The following DRD3 variants were observed in gnomAD, a reference collection of about 807,000 sequenced individuals.
DRD3 encodes the protein D(3) dopamine receptor.
In DRD3, 19 loss-of-function variants were observed where a neutral mutation model predicts 36.3. The observed-to-expected ratio is 0.52, with a 90% CI of 0.36 to 0.77. DRD3 has a LOEUF of 0.77. Ranked by LOEUF, DRD3 falls within the 30% of genes least tolerant of loss-of-function variation. The probability of loss-of-function intolerance (pLI) is 0.00; values close to 1 mark genes in which losing one functional copy is unlikely to be tolerated. For missense variants in DRD3, 465 were observed against 505.3 expected, an observed-to-expected ratio of 0.92 and a Z score of 0.77; for synonymous variants, 195 against 203.7, an observed-to-expected ratio of 0.96 and a Z score of 0.36.
chr3:114,185,311 T>C lies in DRD3; in HGVS notation c.-155-6535A>G, dbSNP rs992948501. On this transcript the variant is annotated intron_variant, in intron 1 of 7. Transcript: ENST00000460779. Reference sequence around the variant, plus strand: ...ACTTTTCTTCAATCGTTTTTCTTTTTGTTCCTCAGACTGATAATTTTCATT... The same window carrying C: ...ACTTTTCTTCAATCGTTTTTCTTTTCGTTCCTCAGACTGATAATTTTCATT... Among the ~76,000 whole-genome samples the C allele has an allele frequency of 3.9e-5, 6 of 152,354 alleles. No homozygotes were observed. The East Asian group carries it at 1.2e-3, about 29-fold the overall frequency.
In DRD3 at chr3:114,127,840, C is replaced by T. The variant is rs1438004710; in HGVS notation, c.*876G>A. On this transcript the variant is annotated 3_prime_UTR_variant, in exon 7 of 7. Coordinates refer to ENST00000383673, the MANE Select transcript of DRD3 (RefSeq NM_000796.6). ...GCCCAAAATGTCATGATGTGGTCCACTATATTGGGTCCCTGTTAAGCAGAA... is the reference window on the plus strand; with the variant it reads ...GCCCAAAATGTCATGATGTGGTCCATTATATTGGGTCCCTGTTAAGCAGAA... Among the ~76,000 whole-genome samples, 2 of 152,062 alleles carry T rather than the reference C, an allele frequency of 1.3e-5. No homozygotes were observed. The highest frequency in any genetic ancestry group is 2.9e-5 in the Non-Finnish European group (2 of 68,036).
intron 1 of DRD3, among the ~76,000 whole-genome samples, chr3:114,197,111 C>T (rs1344361946): frequency 6.7e-6 from 1 of 148,368 alleles, no homozygotes; most frequent in Non-Finnish European, 1.5e-5. Flanking sequence ...CTTTTATTTA[C>T]TTTTTCCTTT....
chr3:114,172,180 C>T (rs2077852454), intron 1 of DRD3, among the ~76,000 whole-genome samples, 153 bp from the exon 2 acceptor site: 1 of 152,098 alleles, frequency 6.6e-6, no homozygotes, highest in Non-Finnish European at 1.5e-5. Context: ...GAGCAATGAA[C>T]AAAACAGATA....
intron 1 of DRD3, among the ~76,000 whole-genome samples, chr3:114,177,986 G>T (rs115832997): frequency 0.015 from 2,255 of 152,278 alleles, 42 homozygotes; most frequent in African/African-American, 0.052. Flanking sequence ...ATTCATGCAT[G>T]TATTTTGATG....
chr3:114,165,770 G>A (rs963405889), intron 2 of DRD3, among the ~76,000 whole-genome samples: 13 of 152,002 alleles, frequency 8.6e-5, no homozygotes, highest in Admixed American at 1.3e-4. Flanking sequence ...GGGCAAAACA[G>A]AATAATAAAT....
chr3:114,173,260 T>G (rs1198354785), intron 1 of DRD3, among the ~76,000 whole-genome samples: 1 of 152,098 alleles, frequency 6.6e-6, no homozygotes, highest in African/African-American at 2.4e-5. Flanking sequence ...AATAGATATC[T>G]GTTGTTTATA....
At chr3:114,133,858 T>G (rs540072207) in intron 5 of DRD3, among the ~76,000 whole-genome samples, 1 of 152,300 alleles carries the variant, frequency 6.6e-6, no homozygotes, top group African/African-American at 2.4e-5. Context: ...TCCATTCCCA[T>G]GCAGCTAGAG....
In DRD3 at chr3:114,170,109, C is replaced by G. The variant is rs1309889551; in HGVS notation, c.270+1614G>C. Among the ~76,000 whole-genome samples the G allele has an allele frequency of 2.0e-5, 3 of 152,262 alleles. No homozygotes were observed. The East Asian group carries it at 5.8e-4, about 29-fold the overall frequency. On this transcript the variant is annotated intron_variant, in intron 2 of 6. Coordinates refer to ENST00000383673, the MANE Select transcript of DRD3 (RefSeq NM_000796.6). ...GACCAATTCATATTGGCTGGTTGCA[C>G]CTAAAGCGCCTCATTCTTGAACAGA...
chr3:114,164,220 CAAAAAAAAAAAAAAAAAA>C (rs34500434), intron 2 of DRD3, among the ~76,000 whole-genome samples: 4 of 17,776 alleles, frequency 2.3e-4, no homozygotes, highest in African/African-American at 4.8e-4. Context: ...GCCTCAGTCT[CAAAAAAAAAAAAAAAAAA>C]AAAAAAAAAA....
At chr3:114,160,266 G>C (rs2077720292) in intron 2 of DRD3, among the ~76,000 whole-genome samples, 2 of 151,862 alleles carry the variant, frequency 1.3e-5, no homozygotes, top group South Asian at 4.2e-4. Flanking sequence ...TATTTTTTGA[G>C]ATGGAGTTTT....
intron 1 of DRD3, among the ~76,000 whole-genome samples, chr3:114,190,638 T>C (rs2078006236): frequency 6.6e-6 from 1 of 150,984 alleles, no homozygotes; most frequent in African/African-American, 2.4e-5. Flanking sequence ...AGCTTAGCAA[T>C]AGTTATACTA....
intron 3 of DRD3, among the ~76,000 whole-genome samples, chr3:114,153,335 ATTG>A (rs1180192341): frequency 2.0e-5 from 3 of 151,374 alleles, no homozygotes; most frequent in African/African-American, 7.3e-5. Context: ...TATTATTGTT[ATTG>A]TTGTCATAAT....
At chr3:114,152,776 C>T (rs1162960030) in intron 3 of DRD3, among the ~76,000 whole-genome samples, 1 of 152,242 alleles carries the variant, frequency 6.6e-6, no homozygotes, top group Non-Finnish European at 1.5e-5. Context: ...ACCGCTTAGC[C>T]TCTGACTTCC....
chr3:114,164,855 G>A (rs775816282), intron 2 of DRD3, among the ~76,000 whole-genome samples: 17 of 152,188 alleles, frequency 1.1e-4, no homozygotes, highest in Non-Finnish European at 2.4e-4. Context: ...GGGTTCAAGT[G>A]ATTCTCCTGC....
At chr3:114,154,092 T>A (rs2107856230) in intron 3 of DRD3, among the ~76,000 whole-genome samples, 1 of 152,262 alleles carries the variant, frequency 6.6e-6, no homozygotes, top group Non-Finnish European at 1.5e-5. Context: ...GAGATTCCAT[T>A]TCTAGTCCCA....
At chr3:114,136,010 T>G (rs1484884981) in intron 5 of DRD3, among the ~76,000 whole-genome samples, 1 of 152,168 alleles carries the variant, frequency 6.6e-6, no homozygotes, top group Non-Finnish European at 1.5e-5. Context: ...TGTTTACAAT[T>G]AAACTGGCAC....
intron 1 of DRD3, among the ~76,000 whole-genome samples, chr3:114,173,473 G>A (rs779419604): frequency 2.0e-5 from 3 of 152,108 alleles, no homozygotes; most frequent in African/African-American, 7.2e-5. Flanking sequence ...AAGACATCAC[G>A]GGTCTCATTC....
chr3:114,159,566 C>T (rs936627750), intron 3 of DRD3, among the ~76,000 whole-genome samples, 189 bp downstream of exon 3: 9 of 152,106 alleles, frequency 5.9e-5, no homozygotes, highest in African/African-American at 1.9e-4. Context: ...CTTATAGGGT[C>T]GTTATTTCCC....
intron 6 of DRD3, among the ~76,000 whole-genome samples, 191 bp downstream of exon 6, chr3:114,130,927 T>G (rs942094212): frequency 6.6e-6 from 1 of 152,254 alleles, no homozygotes; most frequent in African/African-American, 2.4e-5. Context: ...TTGTTCAGCT[T>G]CATAAATTTC....
Sources: gnomAD v4.1 joint callset for allele counts (sites outside exome capture counted in the v4.1 genomes callset) on GRCh38, gnomAD v4.1.1 for gene constraint, MANE v1.5 for transcripts, NCBI Gene and HGNC (gene_info 2026-07-23, HGNC 2026-07-21) for gene names.